RSRP1: variants seen among roughly 807,000 people sequenced by gnomAD.
RSRP1 encodes arginine/serine-rich protein 1.
RSRP1 carries 37 observed loss-of-function variants against 33.0 expected under a neutral mutation model. That is an observed-to-expected ratio of 1.12 (90% CI 0.86 to 1.48). The LOEUF is 1.48. Among genes scored for constraint, RSRP1 ranks in the 40% most tolerant of loss-of-function variants. The pLI, the probability that RSRP1 is intolerant of heterozygous loss-of-function variation, is 0.00. For missense variants in RSRP1, 402 were observed against 385.3 expected (o/e 1.04, Z -0.36); for synonymous variants, 167 against 158.7 (o/e 1.05, Z -0.40).
intron 2 of RSRP1, among the ~76,000 whole-genome samples, chr1:25,245,514 T>G (rs773617265): frequency 6.6e-6 from 1 of 152,178 alleles, no homozygotes; most frequent in Non-Finnish European, 1.5e-5. Context: ...TAAATGCAGA[T>G]AGAAAGTACC....
upstream of RSRP1, among the ~76,000 whole-genome samples, chr1:25,250,445 CACA>C (rs1354721110): frequency 2.0e-5 from 3 of 152,210 alleles, no homozygotes; most frequent in Non-Finnish European, 4.4e-5. Flanking sequence ...GGTAGGGTAT[CACA>C]ACAAGTTTTA....
At chr1:25,244,437 G>C in intron 3 of RSRP1, 1 of 1,289,328 alleles carries the variant, frequency 7.8e-7, no homozygotes, top group Non-Finnish European at 1.0e-6. Context: ...TGATGCTTTA[G>C]CCCATGTATC....
At chr1:25,302,600 C>T (rs1271979815) in intron 1 of RSRP1, among the ~76,000 whole-genome samples, 2 of 129,490 alleles carry the variant, frequency 1.5e-5, no homozygotes, top group East Asian at 2.0e-4. Flanking sequence ...GGCAAGGCTC[C>T]GGTTCTGGAG....
intron 1 of RSRP1, among the ~76,000 whole-genome samples, chr1:25,259,198 A>T (rs1452412905): frequency 6.6e-6 from 1 of 151,966 alleles, no homozygotes; most frequent in Non-Finnish European, 1.5e-5. Flanking sequence ...GGTTCAAGCG[A>T]ATCTCCTGCC....
rs1237557949 is a variant in RSRP1, at chr1:25,276,984, G to A, written c.-66-29955C>T. Among the ~76,000 whole-genome samples the A allele has an allele frequency of 1.4e-4, 19 of 131,280 alleles. 1 individual carries two copies. Among genetic ancestry groups the A allele is most frequent in the Admixed American group, 7.4e-4 (10 of 13,544 alleles). The allele number at this position is 131,280 out of a possible 152,430, so 86.1% of individuals were successfully genotyped here. A position where few individuals can be genotyped will look rare whatever the true frequency, so the allele number is the denominator to read the frequency against. On this transcript the variant is annotated intron_variant, in intron 1 of 1. Transcript: ENST00000561867. ...TGGGAGGCTGAGGCAGGAGAATGGC[G>A]TGAACCCAGGAGGCGGAGCTTTCAG...
rs557716853 is a variant in RSRP1 at position 25,305,428 on chromosome 1, A to G, written c.-67+32550T>C. ...TATTTATTTATTGAGACAGAGTCTC[A>G]TTCTGTCACCCAGGCTGGAGTGCAG... is the stretch of plus-strand genomic sequence containing the variant. On this transcript the variant is annotated intron_variant, in intron 1 of 1. Transcript: ENST00000561867. Among the ~76,000 whole-genome samples the G allele has an allele frequency of 4.7e-4, 60 of 126,628 alleles. 14 individuals carry two copies. The highest frequency in any genetic ancestry group is 9.3e-4 in the Non-Finnish European group (50 of 53,952). 83.1% of individuals were successfully genotyped at this position (126,628 alleles called of 152,430 possible).
At chr1:25,299,636 G>C (rs1643226032) in intron 1 of RSRP1, among the ~76,000 whole-genome samples, 1 of 130,508 alleles carries the variant, frequency 7.7e-6, no homozygotes, top group Non-Finnish European at 1.8e-5. Context: ...CGCCCGAGAG[G>C]TCAGGTGAGA....
chr1:25,261,982 G>A (rs1231872860), intron 1 of RSRP1, among the ~76,000 whole-genome samples: 3 of 152,090 alleles, frequency 2.0e-5, no homozygotes, highest in South Asian at 2.1e-4. Context: ...AAAGTGCTGG[G>A]ATTACAGGTG....
Position 25,305,481 on chromosome 1 carries a change from C to G in RSRP1, c.-67+32497G>C, listed in dbSNP as rs1239950090. 1.9e-4 allele frequency among the ~76,000 whole-genome samples: 3 copies of G among 15,754 alleles called. No individual in the cohort carries two copies. The East Asian group carries it at 0.03, about 158-fold the overall frequency. The allele number at this position is 15,754 out of a possible 152,430, so 10.3% of individuals were successfully genotyped here. ...GTGCAATCTCAGCTCACTGCAACCT[C>G]CACCTCCTGGGTTCAAGTGATTCTC... On this transcript the variant is annotated intron_variant, in intron 1 of 1. Transcript: ENST00000561867.
At chr1:25,312,947 A>C (rs1294290937) in intron 1 of RSRP1, among the ~76,000 whole-genome samples, 4 of 110,162 alleles carry the variant, frequency 3.6e-5, no homozygotes, top group Non-Finnish European at 4.3e-5. Flanking sequence ...AAAAAAAAAA[A>C]AAAAAAAACT....
At chr1:25,305,015 C>G (rs1406276572) in intron 1 of RSRP1, among the ~76,000 whole-genome samples, 3 of 132,656 alleles carry the variant, frequency 2.3e-5, no homozygotes, top group Non-Finnish European at 5.3e-5. Context: ...TAACACTCAT[C>G]TTGCTTTTCA....
At chr1:25,254,239 T>C (rs1639879718) in intron 1 of RSRP1, among the ~76,000 whole-genome samples, 1 of 152,168 alleles carries the variant, frequency 6.6e-6, no homozygotes, top group Admixed American at 6.5e-5. Flanking sequence ...CTCTTAGTGA[T>C]GGTTTCCTGG....
rs767387790 is a variant in RSRP1 at position 25,243,593 on chromosome 1, T to C, written c.713A>G (p.Asn238Ser). The C allele has an allele frequency of 5.0e-6, 8 of 1,613,874 alleles. No homozygotes were observed. The highest frequency in any genetic ancestry group is 3.3e-5 in the South Asian group (3 of 91,070). The change falls in exon 4 of 5, where the codon AAT becomes AGT. Residue 238 changes from asparagine (N) to serine (S), a missense_variant. Asn to Ser is a conservative substitution (Grantham distance 46). Coordinates refer to ENST00000243189, the MANE Select transcript of RSRP1 (RefSeq NM_020317.5). ...KVTEDGTRNP[N>S]EKPTQQRSIA... The stretch of plus-strand genomic sequence containing the variant: ...GCTTCTTTGCTGGGTAGGTTTTTCA[T>C]TGGGATTTCGAGTTCCATCTTCTGT...
At chr1:25,259,593 C>T (rs1410173090) in intron 1 of RSRP1, among the ~76,000 whole-genome samples, 2 of 152,042 alleles carry the variant, frequency 1.3e-5, no homozygotes, top group African/African-American at 4.8e-5. Context: ...ACCTCCGCCT[C>T]CCAGGTTCAA....
At position 25,271,983 on chromosome 1, in the gene RSRP1, A is replaced by AT. The variant is rs1640539117; in HGVS notation, c.-66-24955dup. ...TGTAAGTAATTTCAACTGTGTAACT[A>AT]TGAGGAGTCAGTTCTACGTGGGTCC... On this transcript the variant is annotated intron_variant, in intron 1 of 1. Coordinates refer to the RSRP1 transcript ENST00000561867. 1.5e-5 allele frequency among the ~76,000 whole-genome samples: 2 copies of AT among 132,416 alleles called. 1 individual carries two copies. The allele number at this position is 132,416 out of a possible 152,430, so 86.9% of individuals were successfully genotyped here.
In RSRP1 at chr1:25,305,341, A is replaced by G. The variant is rs1207883203; in HGVS notation, c.-67+32637T>C. 1.5e-5 allele frequency among the ~76,000 whole-genome samples: 2 copies of G among 130,576 alleles called. 1 individual carries two copies. Among genetic ancestry groups the G allele is most frequent in the Non-Finnish European group, 3.6e-5 (2 of 55,528 alleles). 85.7% of individuals were successfully genotyped at this position (130,576 alleles called of 152,430 possible). A position where few individuals can be genotyped will look rare whatever the true frequency, so the allele number is the denominator to read the frequency against. On this transcript the variant is annotated intron_variant, in intron 1 of 1. Coordinates refer to the RSRP1 transcript ENST00000561867. ...GATCCCTGAAAGATGGGAGGTGCTC[A>G]GGCACACTTCCTGGGCTAGTTGAGG...
chr1:25,263,113 G>A (rs1257919199), intron 1 of RSRP1, among the ~76,000 whole-genome samples: 1 of 152,116 alleles, frequency 6.6e-6, no homozygotes, highest in African/African-American at 2.4e-5. Context: ...GTGAAGAAGT[G>A]AGCCATGTGG....
Position 25,247,230 on chromosome 1 carries a change from G to A in RSRP1, c.-67+79C>T, listed in dbSNP as rs1291837408. 1.9e-5 allele frequency: 8 copies of A among 429,500 alleles called. No homozygotes were observed. In the East Asian group the frequency reaches 2.4e-4, roughly 13 times the overall value. The allele number at this position is 429,500 out of a possible 1,614,324, so 26.6% of individuals were successfully genotyped here. ...GAAACGCTGCGTTCCCCAAACGCGG[G>A]GCCCGGCACGTTTCCCGTCCCTCAC... On this transcript the variant is annotated intron_variant, in intron 1 of 4. Coordinates refer to ENST00000243189, the MANE Select transcript of RSRP1 (RefSeq NM_020317.5).
chr1:25,332,978 G>A (rs1449338620), intron 1 of RSRP1, among the ~76,000 whole-genome samples: 1 of 131,758 alleles, frequency 7.6e-6, no homozygotes, highest in East Asian at 1.9e-4. Flanking sequence ...CAGGAAAGCT[G>A]ATGATATAAT....
Sources: allele counts gnomAD v4.1 joint callset (sites outside exome capture counted in the v4.1 genomes callset), GRCh38; gene constraint gnomAD v4.1.1; transcripts MANE v1.5; gene names NCBI Gene and HGNC (gene_info 2026-07-23, HGNC 2026-07-21).